ADPRHL1: variants seen among roughly 807,000 people sequenced by gnomAD.
The protein encoded by ADPRHL1 is ADP-ribosylhydrolase like 1, also known as inactive ADP-ribosyltransferase ARH2.
ADPRHL1 carries 43 observed loss-of-function variants against 44.1 expected under a neutral mutation model. The ratio of observed to expected loss-of-function variants is 0.98; its 90% CI spans 0.76 to 1.26. The LOEUF is 1.26. Ranked by LOEUF, ADPRHL1 falls within the 50% of genes most tolerant of loss-of-function variation. The pLI is 0.00. For synonymous variants in ADPRHL1, 878 were observed against 1,017.4 expected (o/e 0.86, Z 2.61); for missense variants, 2,022 against 2,496.9 (o/e 0.81, Z 4.05).
At position 113,401,583 on chromosome 13, in the gene ADPRHL1, T is replaced by A. The variant is rs2043762181; in HGVS notation, c.*1795A>T. 1.3e-5 allele frequency: 2 copies of A among 151,948 alleles called. No individual in the cohort carries two copies. 9.4% of individuals were successfully genotyped at this position (151,948 alleles called of 1,614,324 possible). ...AACCCACACGCCAAGCAGAAACCCC[T>A]CGAAGCGGGCTGGGAGCACGGACCC... On this transcript the variant is annotated 3_prime_UTR_variant, in exon 8 of 8. Transcript: ENST00000612156. The surrounding 1 kb of genome is among the most constrained non-coding windows in gnomAD (Gnocchi z 5.5).
intron 2 of ADPRHL1, among the ~76,000 whole-genome samples, chr13:113,436,424 T>C (rs75780663): frequency 0.023 from 84 of 3,690 alleles, 12 homozygotes; most frequent in African/African-American, 0.047. Flanking sequence ...AGGGTGAACA[T>C]AGGTGTACCC....
intron 3 of ADPRHL1, among the ~76,000 whole-genome samples, chr13:113,430,764 AGTG>A (rs1164241366): frequency 6.8e-4 from 103 of 151,570 alleles, no homozygotes; most frequent in Non-Finnish European, 8.0e-4. Flanking sequence ...CAGTGGCACT[AGTG>A]GTGGCGGTGA....
chr13:113,429,476 G>A (rs2043991891), intron 3 of ADPRHL1, among the ~76,000 whole-genome samples: 2 of 152,224 alleles, frequency 1.3e-5, no homozygotes, highest in Non-Finnish European at 1.5e-5. Flanking sequence ...AGGTTCACCC[G>A]CGTGGCTCGC....
At chr13:113,449,000 T>C in intron 1 of ADPRHL1, 1 of 986,300 alleles carries the variant, frequency 1.0e-6, no homozygotes, top group Non-Finnish European at 1.2e-6. Flanking sequence ...CACACACACC[T>C]GCTAAACGCT....
chr13:113,412,661 G>A (rs2043861064), intron 7 of ADPRHL1, among the ~76,000 whole-genome samples: 1 of 152,170 alleles, frequency 6.6e-6, no homozygotes, highest in Non-Finnish European at 1.5e-5. Flanking sequence ...CCCGTGGGTG[G>A]CGAACAGCCC....
chr13:113,418,777 G>C (rs927941611), intron 7 of ADPRHL1, among the ~76,000 whole-genome samples: 1 of 152,036 alleles, frequency 6.6e-6, no homozygotes. Flanking sequence ...GCATATTCTG[G>C]ACCCCACCTT....
chr13:113,408,040 G>A lies in ADPRHL1; in HGVS notation c.1242C>T (p.Ser414=). The change falls in exon 8 of 8, where the codon AGC becomes AGT. Residue 414 remains serine (S), a synonymous_variant. Coordinates refer to ENST00000612156, the MANE Select transcript of ADPRHL1 (RefSeq NM_001394807.1). Reference sequence around the variant, plus strand: ...TGGCCTCCTGGGTCTGGGGCTGGTGGCTGGGCCTGCTCCCCCCGGCCTCTG... The same window carrying A: ...TGGCCTCCTGGGTCTGGGGCTGGTGACTGGGCCTGCTCCCCCCGGCCTCTG... ...PGTEAGGSRP[S]HQPQTQEATQ... 1 of 1,232,656 alleles carries A rather than the reference G, an allele frequency of 8.1e-7. No homozygotes were observed. Among genetic ancestry groups the A allele is most frequent in the Non-Finnish European group, 1.0e-6 (1 of 988,496 alleles). 76.4% of individuals were successfully genotyped at this position (1,232,656 alleles called of 1,614,324 possible). A position where few individuals can be genotyped will look rare whatever the true frequency, so the allele number is the denominator to read the frequency against.
At chr13:113,433,890 G>GTT in intron 2 of ADPRHL1, 23 bp from the exon 3 acceptor site, 2 of 1,521,786 alleles carry the variant, frequency 1.3e-6, no homozygotes, top group Non-Finnish European at 1.8e-6. Flanking sequence ...GGAAGAGCTA[G>GTT]TTTAGACTTC....
intron 2 of ADPRHL1, among the ~76,000 whole-genome samples, chr13:113,440,834 GTTGT>G (rs772231284): frequency 8.5e-5 from 13 of 152,174 alleles, no homozygotes; most frequent in South Asian, 4.2e-4. Flanking sequence ...GAGATTTTTG[GTTGT>G]TTGTTTGTTT....
In ADPRHL1 at chr13:113,425,140, T is replaced by C. The variant is rs1330047836; in HGVS notation, c.686A>G (p.Gln229Arg). 2 of 1,613,300 alleles carry C rather than the reference T, an allele frequency of 1.2e-6. No homozygotes were observed. The highest frequency in any genetic ancestry group is 8.5e-7 in the Non-Finnish European group (1 of 1,179,886). The change falls in exon 5 of 8, where the codon CAA becomes CGA. Residue 229 changes from glutamine to arginine, a missense_variant. Gln to Arg is a conservative substitution (Grantham distance 43). This residue lies in a region of ADPRHL1 where 437 missense variants were observed against 430.7 expected (regional missense o/e 1.01). Transcript: ENST00000612156. ...EHWFYFEAKW[Q>R]FYLEERKISK... ...GATTTTCCTCTCCTCCAAATAAAAT[T>C]GCCATTTAGCTTCAAAGTAAAACCA... is the stretch of plus-strand genomic sequence containing the variant.
chr13:113,447,474 C>T (rs932975140), intron 1 of ADPRHL1, among the ~76,000 whole-genome samples: 6 of 150,446 alleles, frequency 4.0e-5, no homozygotes, highest in Admixed American at 6.6e-5. Context: ...TCTACATGCA[C>T]GGTGTTGTGT....
At position 113,409,380 on chromosome 13, in the gene ADPRHL1, T is replaced by G; in HGVS notation, c.1062-1160A>C. 2.0e-6 allele frequency: 2 copies of G among 985,252 alleles called. No individual in the cohort carries two copies. The highest frequency in any genetic ancestry group is 2.4e-6 in the Non-Finnish European group (2 of 829,908). 61.0% of individuals were successfully genotyped at this position (985,252 alleles called of 1,614,324 possible). On this transcript the variant is annotated intron_variant, in intron 7 of 7. Coordinates refer to ENST00000612156, the MANE Select transcript of ADPRHL1 (RefSeq NM_001394807.1). The surrounding 1 kb of genome is among the most constrained non-coding windows in gnomAD (Gnocchi z 4.2). The stretch of plus-strand genomic sequence containing the variant: ...CTGTTAGTCATTCATTCTAAGGAGA[T>G]CATCAGGGATGAGGAACAAAGACTC...
At chr13:113,451,290 T>G (rs2044177892) in intron 1 of ADPRHL1, among the ~76,000 whole-genome samples, 1 of 152,238 alleles carries the variant, frequency 6.6e-6, no homozygotes, top group Admixed American at 6.5e-5. Context: ...ATCTAAGATC[T>G]ATATCTGGTA....
rs2044188291 is a variant in ADPRHL1 at position 113,453,092 on chromosome 13, G to A, written c.214+132C>T. On this transcript the variant is annotated intron_variant, in intron 1 of 7. Coordinates refer to ENST00000612156, the MANE Select transcript of ADPRHL1 (RefSeq NM_001394807.1). The surrounding 1 kb of genome is among the most constrained non-coding windows in gnomAD (Gnocchi z 5.4). The stretch of plus-strand genomic sequence containing the variant: ...CACTCAGATTAAATTGCCACTTTTA[G>A]CAGCGGTATCAGGTAACACCATCCG... 3 of 917,764 alleles carry A rather than the reference G, an allele frequency of 3.3e-6. No individual in the cohort carries two copies. The highest frequency in any genetic ancestry group is 4.9e-6 in the Non-Finnish European group (3 of 612,490). 56.9% of individuals were successfully genotyped at this position (917,764 alleles called of 1,614,324 possible). A position where few individuals can be genotyped will look rare whatever the true frequency, so the allele number is the denominator to read the frequency against.
At position 113,407,157 on chromosome 13, in the gene ADPRHL1, A is replaced by G. The variant is rs879502158; in HGVS notation, c.2125T>C (p.Cys709Arg). 1 of 1,232,270 alleles carries G rather than the reference A, an allele frequency of 8.1e-7. No homozygotes were observed. Among genetic ancestry groups the G allele is most frequent in the Admixed American group, 4.2e-5 (1 of 23,730 alleles). The allele number at this position is 1,232,270 out of a possible 1,614,324, so 76.3% of individuals were successfully genotyped here. A position where few individuals can be genotyped will look rare whatever the true frequency, so the allele number is the denominator to read the frequency against. Residue 709 changes from cysteine to arginine, a missense_variant, in exon 8 of 8, where the codon TGT (cysteine) becomes CGT (arginine). Transcript: ENST00000612156. Reference protein sequence around the residue: ...GHAVPSLAFSCAPCTGGVLPG... With the variant: ...GHAVPSLAFSRAPCTGGVLPG... ...AGGACTCCACCTGTGCAGGGAGCACAAGAGAAGGCCAGCGAGGGGACAGCG... is the reference window on the plus strand; with the variant it reads ...AGGACTCCACCTGTGCAGGGAGCACGAGAGAAGGCCAGCGAGGGGACAGCG...
intron 7 of ADPRHL1, among the ~76,000 whole-genome samples, chr13:113,414,710 C>G (rs2043878678): frequency 6.7e-6 from 1 of 149,604 alleles, no homozygotes. Flanking sequence ...GAGTCTTTCT[C>G]TGTCACTCAG....
intron 1 of ADPRHL1, 80 bp from the exon 2 acceptor site, chr13:113,444,669 T>C (rs2044123970): frequency 4.6e-6 from 7 of 1,507,340 alleles, no homozygotes; most frequent in East Asian, 2.3e-5. Context: ...TCAGGCACCA[T>C]AGTCTGGGGA....
At chr13:113,435,848 G>A (rs1484769546) in intron 2 of ADPRHL1, among the ~76,000 whole-genome samples, 4 of 107,414 alleles carry the variant, frequency 3.7e-5, no homozygotes, top group Admixed American at 1.8e-4. Context: ...GGTGTACCCC[G>A]GGACCCGGCA....
Position 113,422,892 on chromosome 13 carries a change from T to G in ADPRHL1, c.995A>C (p.Asp332Ala). ...LDLVPKGLYQ[D>A]LEDKEKLEDL... ...CTCCAGCTTCTCCTTGTCCTCCAGG[T>G]CCTGGTACAAGCCTTTGGGAACGAG... The change falls in exon 7 of 8, where the codon GAC (aspartate) becomes GCC (alanine). Residue 332 changes from aspartate to alanine, a missense_variant. This residue lies in a region of ADPRHL1 where 1,221 missense variants were observed against 1,517.8 expected (regional missense o/e 0.80). Coordinates refer to ENST00000612156, the MANE Select transcript of ADPRHL1 (RefSeq NM_001394807.1). 6.2e-7 allele frequency: 1 copy of G among 1,612,912 alleles called. No homozygotes were observed. The highest frequency in any genetic ancestry group is 1.1e-5 in the South Asian group (1 of 91,088).
Sources: allele counts gnomAD v4.1 joint callset (sites outside exome capture counted in the v4.1 genomes callset), GRCh38; gene constraint gnomAD v4.1.1; regional missense constraint gnomAD v4.1.1; non-coding constraint Gnocchi (gnomAD v3.1); transcripts MANE v1.5; gene names NCBI Gene and HGNC (gene_info 2026-07-23, HGNC 2026-07-21).